The following SLIT3 variants were observed in gnomAD, a reference collection of about 807,000 sequenced individuals.
SLIT3 encodes slit homolog 3 protein.
SLIT3 carries 68 observed loss-of-function variants against 184.0 expected under a neutral mutation model. The observed-to-expected ratio is 0.37, with a 90% CI of 0.30 to 0.45. SLIT3 has a LOEUF of 0.45. Among genes scored for constraint, SLIT3 ranks in the 20% least tolerant of loss-of-function variants. The pLI, the probability that SLIT3 is intolerant of heterozygous loss-of-function variation, is 1.00. For missense variants in SLIT3, 1,707 were observed against 2,026.0 expected (o/e 0.84, Z 3.02); for synonymous variants, 831 against 828.6 (o/e 1.00, Z -0.05).
chr5:169,204,482 G>A (rs1390987084), intron 3 of SLIT3, among the ~76,000 whole-genome samples: 2 of 152,204 alleles, frequency 1.3e-5, no homozygotes, highest in South Asian at 2.1e-4. Context: ...GGAGGAAATC[G>A]TGACATGCTT....
chr5:168,966,804 T>C (rs570609809), intron 4 of SLIT3, among the ~76,000 whole-genome samples: 1 of 152,326 alleles, frequency 6.6e-6, no homozygotes, highest in East Asian at 1.9e-4. Flanking sequence ...TGTTAAATGA[T>C]GATCCCCCAT....
At chr5:169,054,460 G>C (rs1243806353) in intron 4 of SLIT3, among the ~76,000 whole-genome samples, 2 of 152,094 alleles carry the variant, frequency 1.3e-5, no homozygotes, top group African/African-American at 4.8e-5. Context: ...GTGGTGATTT[G>C]TTTCTGCAGC....
intron 4 of SLIT3, among the ~76,000 whole-genome samples, chr5:168,983,019 C>A (rs1755002772): frequency 6.6e-6 from 1 of 152,098 alleles, no homozygotes; most frequent in Non-Finnish European, 1.5e-5. Flanking sequence ...AAAGAATAAT[C>A]ATGTATTTTC....
intron 4 of SLIT3, among the ~76,000 whole-genome samples, chr5:169,090,001 A>T (rs1353429876): frequency 6.6e-6 from 1 of 152,224 alleles, no homozygotes; most frequent in Non-Finnish European, 1.5e-5. Context: ...CTACAGAAAG[A>T]ATTTAATGCA....
At chr5:168,693,144 C>T (rs935134581) in intron 28 of SLIT3, among the ~76,000 whole-genome samples, 1 of 152,180 alleles carries the variant, frequency 6.6e-6, no homozygotes, top group African/African-American at 2.4e-5. Flanking sequence ...TTCCTACCCA[C>T]AGCCTATTTG....
rs62379534 is a variant in SLIT3, at chr5:169,093,258, C to T, written c.413+100221G>A. ...TGGGTTCTAGTCATCACCTGGTTTCCGGCTTCTCCAGGATTGTACCCTACC... is the reference window on the plus strand; with the variant it reads ...TGGGTTCTAGTCATCACCTGGTTTCTGGCTTCTCCAGGATTGTACCCTACC... On this transcript the variant is annotated intron_variant, in intron 4 of 35. Coordinates refer to ENST00000519560, the MANE Select transcript of SLIT3 (RefSeq NM_003062.4). Among the ~76,000 whole-genome samples the T allele has an allele frequency of 6.7e-3, 1,017 of 152,220 alleles. 3 individuals carry two copies. Among genetic ancestry groups the T allele is most frequent in the Middle Eastern group, 0.014 (4 of 294 alleles).
At chr5:168,928,260 A>G (rs898206852) in intron 4 of SLIT3, among the ~76,000 whole-genome samples, 5 of 152,238 alleles carry the variant, frequency 3.3e-5, no homozygotes, top group African/African-American at 1.2e-4. Flanking sequence ...GAAGAAAATA[A>G]TTTAGGAAGG....
chr5:168,904,965 G>T (rs773131365), intron 4 of SLIT3, among the ~76,000 whole-genome samples: 2 of 152,102 alleles, frequency 1.3e-5, no homozygotes, highest in Non-Finnish European at 2.9e-5. Context: ...TCAGGAGTTT[G>T]AGACCAGCCT....
At chr5:169,087,702 T>G (rs941162041) in intron 4 of SLIT3, among the ~76,000 whole-genome samples, 1 of 152,206 alleles carries the variant, frequency 6.6e-6, no homozygotes, top group African/African-American at 2.4e-5. Context: ...CAGCAAAGGT[T>G]TTTGTAGTAC....
chr5:168,839,163 G>A (rs1043097447), intron 6 of SLIT3, among the ~76,000 whole-genome samples: 4 of 152,152 alleles, frequency 2.6e-5, no homozygotes, highest in African/African-American at 7.2e-5. Context: ...AGGTTCGGGC[G>A]TCCTGGACTC....
intron 3 of SLIT3, among the ~76,000 whole-genome samples, chr5:169,223,445 T>G (rs1039921667): frequency 6.6e-6 from 1 of 152,220 alleles, no homozygotes; most frequent in South Asian, 2.1e-4. Flanking sequence ...CTATGGCGTT[T>G]AGCAGCGTAG....
In SLIT3 at chr5:168,852,954, T is replaced by C. The variant is rs139011940; in HGVS notation, c.486-8299A>G. Among the ~76,000 whole-genome samples, 672 of 152,360 alleles carry C rather than the reference T, an allele frequency of 4.4e-3. 5 individuals carry two copies. The highest frequency in any genetic ancestry group is 0.015 in the African/African-American group (642 of 41,586). On this transcript the variant is annotated intron_variant, in intron 5 of 35. Transcript: ENST00000519560. ...AAACAAGTAATATTAAATTTAGGAATTCTTTTTTACATAATCTCCAAGCTC... is the reference window on the plus strand; with the variant it reads ...AAACAAGTAATATTAAATTTAGGAACTCTTTTTTACATAATCTCCAAGCTC...
chr5:169,211,766 T>G (rs556188396), intron 3 of SLIT3, among the ~76,000 whole-genome samples: 4 of 152,134 alleles, frequency 2.6e-5, no homozygotes, highest in Non-Finnish European at 5.9e-5. Context: ...ACTAGGTACT[T>G]CTCCTAATGC....
intron 1 of SLIT3, among the ~76,000 whole-genome samples, chr5:169,255,654 C>A (rs1436714422): frequency 6.6e-6 from 1 of 152,064 alleles, no homozygotes; most frequent in Non-Finnish European, 1.5e-5. Context: ...GAGGCCAAGC[C>A]GGGCGGATCA....
intron 4 of SLIT3, among the ~76,000 whole-genome samples, chr5:169,087,631 C>T (rs1436168238): frequency 6.6e-6 from 1 of 152,104 alleles, no homozygotes; most frequent in Non-Finnish European, 1.5e-5. Context: ...TCTCAAAAAG[C>T]TTTTAATAAT....
intron 4 of SLIT3, among the ~76,000 whole-genome samples, chr5:169,171,076 G>T (rs888215800): frequency 9.9e-5 from 15 of 152,194 alleles, no homozygotes; most frequent in Admixed American, 6.5e-5. Context: ...GACTGATGTG[G>T]TTCTGCTGAC....
At chr5:168,849,170 C>T (rs116057588) in intron 5 of SLIT3, among the ~76,000 whole-genome samples, 58 of 152,246 alleles carry the variant, frequency 3.8e-4, no homozygotes, top group African/African-American at 1.3e-3. Context: ...GAAGAAAAGT[C>T]GAATTCCAAA....
intron 4 of SLIT3, among the ~76,000 whole-genome samples, chr5:168,905,175 C>T (rs1242890603): frequency 8.1e-6 from 1 of 122,958 alleles, no homozygotes. Context: ...GACTCCATCT[C>T]CAAAAAAAAG....
At chr5:169,117,819 T>C (rs984374534) in intron 4 of SLIT3, among the ~76,000 whole-genome samples, 2 of 152,266 alleles carry the variant, frequency 1.3e-5, no homozygotes, top group South Asian at 4.1e-4. Context: ...AAGTCAGAAG[T>C]AGATTGAAGA....
Sources: allele counts gnomAD v4.1 joint callset (sites outside exome capture counted in the v4.1 genomes callset), GRCh38; gene constraint gnomAD v4.1.1; transcripts MANE v1.5; gene names NCBI Gene and HGNC (gene_info 2026-07-23, HGNC 2026-07-21).